The following ZNF678 variants were observed in gnomAD, a reference collection of about 807,000 sequenced individuals.
ZNF678 encodes zinc finger protein 678.
ZNF678 carries 5 observed loss-of-function variants against 3.0 expected under a neutral mutation model. The ratio of observed to expected loss-of-function variants is 1.69; its 90% confidence interval spans 0.88 to 3.56. The LOEUF is 3.56. Among genes scored for constraint, ZNF678 ranks in the 30% most tolerant of loss-of-function variants. The probability of loss-of-function intolerance (pLI) is 0.00; values close to 1 mark genes in which losing one functional copy is unlikely to be tolerated. For missense variants in ZNF678, 593 were observed against 605.0 expected (o/e 0.98, Z 0.21); for synonymous variants, 218 against 199.6 (o/e 1.09, Z -0.78).
intron 1 of ZNF678, among the ~76,000 whole-genome samples, chr1:227,643,159 T>G (rs377280600): frequency 4.0e-5 from 6 of 151,842 alleles, no homozygotes; most frequent in Admixed American, 1.3e-4. Context: ...AACAGAATTA[T>G]TAGTAGTAGG....
intron 5 of ZNF678, among the ~76,000 whole-genome samples, chr1:227,675,589 A>C (rs1659665280): frequency 1.3e-5 from 2 of 152,218 alleles, no homozygotes. Flanking sequence ...AACTGCAAAG[A>C]AAATTCAGGA....
downstream of ZNF678, chr1:227,662,590 C>A (rs1057329600): frequency 2.0e-5 from 3 of 152,020 alleles, no homozygotes; most frequent in South Asian, 6.2e-4. Context: ...GAAGAGAAAC[C>A]CCAAATAAGT....
Position 227,595,460 on chromosome 1 carries a change from C to T in ZNF678, c.-164+31736C>T, listed in dbSNP as rs560604565. ...AGGCTTCTTTCTGATGGCCAATCCA[C>T]CTCTAATGCTGGCCAGTCTGTTTTA... On this transcript the variant is annotated intron_variant, in intron 1 of 3. Transcript: ENST00000343776. 3.9e-5 allele frequency among the ~76,000 whole-genome samples: 6 copies of T among 152,274 alleles called. No homozygotes were observed. In the South Asian group the frequency reaches 1.2e-3, roughly 32 times the overall value.
chr1:227,579,214 C>T (rs1197402013), intron 1 of ZNF678, among the ~76,000 whole-genome samples: 2 of 152,004 alleles, frequency 1.3e-5, no homozygotes, highest in Admixed American at 1.3e-4. Flanking sequence ...ATGGTGAAGG[C>T]AATACAGCTG....
chr1:227,604,004 G>C (rs1587156), intron 1 of ZNF678, among the ~76,000 whole-genome samples: 2,119 of 152,290 alleles, frequency 0.014, 51 homozygotes, highest in African/African-American at 0.048. Context: ...GTAGCATGTA[G>C]CATTATTTAA....
intron 1 of ZNF678, among the ~76,000 whole-genome samples, chr1:227,606,081 G>T (rs1657860580): frequency 6.6e-6 from 1 of 152,184 alleles, no homozygotes; most frequent in African/African-American, 2.4e-5. Flanking sequence ...AAGAGACTGA[G>T]AAAAGAAATA....
intron 1 of ZNF678, among the ~76,000 whole-genome samples, chr1:227,605,772 A>C (rs143217493): frequency 1.0e-3 from 158 of 152,336 alleles, no homozygotes; most frequent in Non-Finnish European, 1.9e-3. Context: ...CAATATACTC[A>C]ATTTCATGAG....
intron 1 of ZNF678, among the ~76,000 whole-genome samples, chr1:227,643,895 G>A (rs1252579529): frequency 1.1e-3 from 130 of 122,252 alleles, no homozygotes; most frequent in African/African-American, 3.9e-3. Context: ...ATGGAGTCTC[G>A]CTCTGTCACC....
intron 1 of ZNF678, among the ~76,000 whole-genome samples, chr1:227,610,865 T>C (rs1658000533): frequency 6.6e-6 from 1 of 152,214 alleles, no homozygotes; most frequent in East Asian, 1.9e-4. Flanking sequence ...AACCACTTTC[T>C]TAACCTTTTA....
chr1:227,610,741 G>T (rs919233399), intron 1 of ZNF678, among the ~76,000 whole-genome samples: 1 of 152,076 alleles, frequency 6.6e-6, no homozygotes, highest in Admixed American at 6.5e-5. Context: ...ACAAGAAACC[G>T]GTACAGCTTT....
At chr1:227,580,876 G>A (rs892464427) in intron 1 of ZNF678, among the ~76,000 whole-genome samples, 1 of 151,328 alleles carries the variant, frequency 6.6e-6, no homozygotes, top group Non-Finnish European at 1.5e-5. Context: ...GTTGCAGTGA[G>A]CTGAGATCCC....
intron 1 of ZNF678, among the ~76,000 whole-genome samples, chr1:227,637,466 C>T (rs570316757): frequency 1.3e-5 from 2 of 152,278 alleles, no homozygotes; most frequent in South Asian, 4.2e-4. Flanking sequence ...CAGAGGCAGG[C>T]AGGCCATCTG....
At chr1:227,632,435 G>A (rs2102782003) in intron 1 of ZNF678, among the ~76,000 whole-genome samples, 1 of 152,278 alleles carries the variant, frequency 6.6e-6, no homozygotes, top group African/African-American at 2.4e-5. Flanking sequence ...AGGGGCACAT[G>A]CATGGGCGAC....
intron 1 of ZNF678, among the ~76,000 whole-genome samples, chr1:227,645,650 C>T (rs910169228): frequency 6.6e-6 from 1 of 152,052 alleles, no homozygotes; most frequent in Non-Finnish European, 1.5e-5. Flanking sequence ...GGATTTGGGT[C>T]CTTGGATTAG....
downstream of ZNF678, among the ~76,000 whole-genome samples, chr1:227,664,471 G>C (rs1659468116): frequency 6.6e-6 from 1 of 152,078 alleles, no homozygotes; most frequent in Non-Finnish European, 1.5e-5. Flanking sequence ...GATCACAGAT[G>C]AGGCCTTACC....
intron 1 of ZNF678, among the ~76,000 whole-genome samples, chr1:227,597,996 A>G (rs1657638506): frequency 6.6e-6 from 1 of 152,224 alleles, no homozygotes; most frequent in Admixed American, 6.5e-5. Context: ...AAATTAAAAT[A>G]TGCTTCTCTA....
intron 1 of ZNF678, among the ~76,000 whole-genome samples, chr1:227,568,840 G>A (rs1477708299): frequency 6.6e-6 from 1 of 152,178 alleles, no homozygotes; most frequent in Non-Finnish European, 1.5e-5. Context: ...AGCAACCAGT[G>A]GTGTTGGAGA....
Position 227,638,132 on chromosome 1 carries a change from A to G in ZNF678, c.-163-8412A>G, listed in dbSNP as rs571012379. ...CTCTGAAACATTGAGGTGGTAGTAC[A>G]CACCAGGTGAGCTGACGTGAAAGGT... On this transcript the variant is annotated intron_variant, in intron 1 of 3. Coordinates refer to ENST00000343776, the MANE Select transcript of ZNF678 (RefSeq NM_001367909.1). This position sits in a 1 kb window ranked among gnomAD's most constrained non-coding sequence, Gnocchi z 4.2. Among the ~76,000 whole-genome samples, 3 of 152,312 alleles carry G rather than the reference A, an allele frequency of 2.0e-5. No individual in the cohort carries two copies. The highest frequency in any genetic ancestry group is 7.2e-5 in the African/African-American group (3 of 41,556).
chr1:227,566,270 A>G (rs1208664426), intron 1 of ZNF678, among the ~76,000 whole-genome samples: 1 of 151,914 alleles, frequency 6.6e-6, no homozygotes, highest in East Asian at 1.9e-4. Flanking sequence ...TACACCCTTC[A>G]CCTAAAAAGC....
Sources: allele counts gnomAD v4.1 joint callset (sites outside exome capture counted in the v4.1 genomes callset), GRCh38; gene constraint gnomAD v4.1.1; non-coding constraint Gnocchi (gnomAD v3.1); transcripts MANE v1.5; gene names NCBI Gene and HGNC (gene_info 2026-07-23, HGNC 2026-07-21).